The following PLXNA4 variants were observed in gnomAD, a reference collection of about 807,000 sequenced individuals.
The protein encoded by PLXNA4 is plexin A4.
PLXNA4 carries 44 observed loss-of-function variants against 191.8 expected under a neutral mutation model. The ratio of observed to expected loss-of-function variants is 0.23; its 90% CI spans 0.18 to 0.29. The LOEUF (loss-of-function observed/expected upper bound fraction) is 0.29. Ranked by LOEUF, PLXNA4 falls within the 10% of genes least tolerant of loss-of-function variation. The pLI is 1.00. For synonymous variants in PLXNA4, 1,082 were observed against 1,009.5 expected (o/e 1.07, Z -1.36); for missense variants, 1,800 against 2,488.8 (o/e 0.72, Z 5.89).
intron 22 of PLXNA4, among the ~76,000 whole-genome samples, 161 bp downstream of exon 22, chr7:132,168,143 C>G (rs1318868342): frequency 1.3e-5 from 2 of 152,212 alleles, no homozygotes; most frequent in African/African-American, 4.8e-5. Context: ...ACAGGTTCTT[C>G]TAAGGGGGCC....
chr7:132,327,993 G>T (rs1000822804), intron 3 of PLXNA4, among the ~76,000 whole-genome samples: 3 of 152,136 alleles, frequency 2.0e-5, no homozygotes, highest in African/African-American at 7.2e-5. Context: ...GGAAACCAGC[G>T]GCAGGGTGCA....
intron 4 of PLXNA4, among the ~76,000 whole-genome samples, chr7:132,242,786 C>T (rs1353835238): frequency 1.3e-5 from 2 of 152,142 alleles, no homozygotes; most frequent in Admixed American, 1.3e-4. Flanking sequence ...TGGAGTCTGC[C>T]TACATATGAC....
intron 3 of PLXNA4, among the ~76,000 whole-genome samples, chr7:132,482,455 T>C (rs554392945): frequency 6.6e-6 from 1 of 152,160 alleles, no homozygotes; most frequent in African/African-American, 2.4e-5. Context: ...AGGTAGACTC[T>C]TCCCCATTCT....
intron 25 of PLXNA4, among the ~76,000 whole-genome samples, chr7:132,151,889 C>T (rs948482866): frequency 1.3e-5 from 2 of 152,142 alleles, no homozygotes; most frequent in African/African-American, 2.4e-5. Context: ...AGTAGGCTGA[C>T]AAGGAAAGCC....
intron 3 of PLXNA4, among the ~76,000 whole-genome samples, chr7:132,325,520 G>A (rs2116662656): frequency 6.6e-6 from 1 of 152,232 alleles, no homozygotes; most frequent in South Asian, 2.1e-4. Flanking sequence ...GAATTGATTA[G>A]GGTGGAGTCT....
chr7:132,644,224 G>A (rs1269629258), intron 2 of PLXNA4, among the ~76,000 whole-genome samples: 1 of 152,144 alleles, frequency 6.6e-6, no homozygotes, highest in African/African-American at 2.4e-5. Flanking sequence ...CTCCTCTCAT[G>A]GTACAATGGA....
At chr7:132,146,079 CAAAAAAAAAAA>C (rs67412588) in intron 28 of PLXNA4, among the ~76,000 whole-genome samples, 13 of 48,920 alleles carry the variant, frequency 2.7e-4, no homozygotes, top group African/African-American at 1.1e-3. Flanking sequence ...GACTCTGTCT[CAAAAAAAAAAA>C]AAAAAAAAAA....
chr7:132,148,688 C>T lies in PLXNA4; in HGVS notation c.4661-42G>A, dbSNP rs1018234685. On this transcript the variant is annotated intron_variant, in intron 25 of 31. Transcript: ENST00000321063. Reference sequence around the variant, plus strand: ...GGCGTTTCAGAGAGGCCCTATGACCCCTCTTGTGGGGAAGCTGAGGACCCT... The same window carrying T: ...GGCGTTTCAGAGAGGCCCTATGACCTCTCTTGTGGGGAAGCTGAGGACCCT... 8.1e-6 allele frequency: 13 copies of T among 1,613,048 alleles called. No homozygotes were observed. In the Admixed American group the frequency reaches 2.0e-4, roughly 25 times the overall value.
At chr7:132,235,255 T>C (rs1798660552) in intron 5 of PLXNA4, among the ~76,000 whole-genome samples, 1 of 152,218 alleles carries the variant, frequency 6.6e-6, no homozygotes, top group Admixed American at 6.5e-5. Context: ...TGCTGCATTG[T>C]AGGCCCAGCG....
intron 2 of PLXNA4, among the ~76,000 whole-genome samples, chr7:132,620,494 T>C (rs989602755): frequency 2.0e-5 from 3 of 152,326 alleles, no homozygotes; most frequent in East Asian, 1.9e-4. Context: ...TTTAGGGTTA[T>C]TAAAATCCAA....
chr7:132,590,056 T>C (rs73724086), intron 2 of PLXNA4, among the ~76,000 whole-genome samples: 1,619 of 152,208 alleles, frequency 0.011, 32 homozygotes, highest in African/African-American at 0.037. Context: ...GGGAAAGAAA[T>C]GGAACATGCA....
intron 1 of PLXNA4, among the ~76,000 whole-genome samples, chr7:132,562,940 C>CTCCCTCCTCCTCCTT (rs1801326731): frequency 1.1e-5 from 1 of 90,190 alleles, no homozygotes; most frequent in African/African-American, 4.9e-5. Context: ...CCCTCCTCCT[C>CTCCCTCCTCCTCCTT]TCCCTCCTCC....
intron 1 of PLXNA4, among the ~76,000 whole-genome samples, chr7:132,562,900 CCCT>C (rs1182140434): frequency 1.7e-5 from 1 of 59,484 alleles, no homozygotes; most frequent in African/African-American, 7.7e-5. Flanking sequence ...CTCCTTCTCC[CCCT>C]CCTCCTCCTC....
At chr7:132,413,548 C>T in intron 3 of PLXNA4, among the ~76,000 whole-genome samples, 1 of 152,316 alleles carries the variant, frequency 6.6e-6, no homozygotes, top group East Asian at 1.9e-4. Flanking sequence ...ATGGCCTCAA[C>T]CTAAACCCAA....
intron 3 of PLXNA4, among the ~76,000 whole-genome samples, chr7:132,396,498 T>G (rs1249638531): frequency 6.6e-6 from 1 of 152,064 alleles, no homozygotes; most frequent in East Asian, 1.9e-4. Flanking sequence ...TTTTATTTTT[T>G]TTGTTTGTTT....
chr7:132,408,448 C>CTTTATTTATTTATTTATTTATTTATTTA, intron 3 of PLXNA4, among the ~76,000 whole-genome samples: 1 of 149,496 alleles, frequency 6.7e-6, no homozygotes, highest in South Asian at 2.1e-4. Context: ...CACAAAAACA[C>CTTTATTTATTTATTTATTTATTTATTTA]TTTATTTATT....
intron 3 of PLXNA4, among the ~76,000 whole-genome samples, chr7:132,357,558 G>T (rs1383687319): frequency 6.6e-6 from 1 of 152,190 alleles, no homozygotes; most frequent in African/African-American, 2.4e-5. Flanking sequence ...CAAAATACCT[G>T]CATGGCAGCG....
chr7:132,507,595 T>C lies in PLXNA4; in HGVS notation c.1099A>G (p.Ile367Val). 1.2e-6 allele frequency: 2 copies of C among 1,614,186 alleles called. No individual in the cohort carries two copies. The highest frequency in any genetic ancestry group is 1.7e-6 in the Non-Finnish European group (2 of 1,180,036). ...IFILKQINDR[I>V]KERLQSCYRG... The stretch of plus-strand genomic sequence containing the variant: ...TAACAAGACTGCAGCCGCTCCTTAA[T>C]GCGGTCATTTATCTGCTTCAAGATG... The change falls in exon 2 of 32, where the codon ATT becomes GTT. Residue 367 changes from isoleucine (I) to valine (V), a missense_variant. Coordinates refer to ENST00000321063, the MANE Select transcript of PLXNA4 (RefSeq NM_020911.2).
At chr7:132,381,900 C>T (rs1377345153) in intron 3 of PLXNA4, among the ~76,000 whole-genome samples, 1 of 152,208 alleles carries the variant, frequency 6.6e-6, no homozygotes, top group African/African-American at 2.4e-5. Context: ...GTCTGGTCGT[C>T]ATCTGTGCAC....
Sources: gnomAD v4.1 joint callset for allele counts (sites outside exome capture counted in the v4.1 genomes callset) on GRCh38, gnomAD v4.1.1 for gene constraint, MANE v1.5 for transcripts, NCBI Gene and HGNC (gene_info 2026-07-23, HGNC 2026-07-21) for gene names.